SNX19: variants seen among roughly 807,000 people sequenced by gnomAD.
SNX19 encodes sorting nexin-19.
A neutral mutation model predicts 85.2 loss-of-function variants in SNX19; 60 were observed. That is an observed-to-expected ratio of 0.70 (90% CI 0.57 to 0.87). SNX19 has a LOEUF of 0.87. Among genes scored for constraint, SNX19 ranks in the 40% least tolerant of loss-of-function variants. SNX19 has a pLI of 0.00. For synonymous variants in SNX19, 520 were observed against 470.0 expected, an observed-to-expected ratio of 1.11 and a Z score of -1.38; for missense variants, 1,201 against 1,217.8, an observed-to-expected ratio of 0.99 and a Z score of 0.21.
rs895911434 is a variant in SNX19, at chr11:130,874,182, C to T, written c.*4240G>A. Among the ~76,000 whole-genome samples the T allele has an allele frequency of 6.6e-6, 1 of 152,066 alleles. No individual in the cohort carries two copies. Among genetic ancestry groups the T allele is most frequent in the Non-Finnish European group, 1.5e-5 (1 of 68,014 alleles). ...GAACCACAGGCGAGAGCCACCATGC[C>T]CCGCTCATTTTTTATATTTTTTGTA... On this transcript the variant is annotated 3_prime_UTR_variant, in exon 11 of 11. Coordinates refer to ENST00000265909, the MANE Select transcript of SNX19 (RefSeq NM_014758.3).
chr11:130,887,117 GA>G (rs1944139179), intron 8 of SNX19, among the ~76,000 whole-genome samples: 2 of 152,164 alleles, frequency 1.3e-5, no homozygotes, highest in African/African-American at 4.8e-5. Flanking sequence ...TACTTCAAGG[GA>G]AGACTTGACA....
intron 8 of SNX19, chr11:130,894,935 C>G (rs1944770930): frequency 1.0e-6 from 1 of 985,422 alleles, no homozygotes; most frequent in African/African-American, 1.7e-5. Context: ...GCTATGATTT[C>G]TATTTCGACA....
Position 130,874,034 on chromosome 11 carries a change from T to G in SNX19, c.*4388A>C, listed in dbSNP as rs1434317880. On this transcript the variant is annotated 3_prime_UTR_variant, in exon 11 of 11. Transcript: ENST00000265909. ...GTCATAAGAGGTTTTTTGTTTTTTTTTTTTTTATTTGGGGTCTCACTCTGT... is the reference window on the plus strand; with the variant it reads ...GTCATAAGAGGTTTTTTGTTTTTTTGTTTTTTATTTGGGGTCTCACTCTGT... 1.3e-5 allele frequency among the ~76,000 whole-genome samples: 2 copies of G among 152,070 alleles called. No individual in the cohort carries two copies. The highest frequency in any genetic ancestry group is 2.9e-5 in the Non-Finnish European group (2 of 68,006).
chr11:130,888,074 A>G (rs1944213923), intron 8 of SNX19, among the ~76,000 whole-genome samples: 1 of 150,444 alleles, frequency 6.6e-6, no homozygotes, highest in Non-Finnish European at 1.5e-5. Context: ...GCCAGCTAAA[A>G]TCCTAAGTCC....
chr11:130,900,278 C>T (rs1398239059), intron 8 of SNX19, among the ~76,000 whole-genome samples: 3 of 152,184 alleles, frequency 2.0e-5, no homozygotes, highest in African/African-American at 4.8e-5. Flanking sequence ...TGCACTCCAG[C>T]CTGGGCGACA....
rs1372341763 is a variant in SNX19 at position 130,869,896 on chromosome 11, A to C, written c.*8526T>G. 6.7e-6 allele frequency: 1 copy of C among 149,670 alleles called. No individual in the cohort carries two copies. The highest frequency in any genetic ancestry group is 1.5e-5 in the Non-Finnish European group (1 of 67,894). The allele number at this position is 149,670 out of a possible 1,614,324, so 9.3% of individuals were successfully genotyped here. A position where few individuals can be genotyped will look rare whatever the true frequency, so the allele number is the denominator to read the frequency against. On this transcript the variant is annotated 3_prime_UTR_variant, in exon 11 of 11. Transcript: ENST00000265909. ...GTAGCCAAGTCACCCACAAAGACTG[A>C]TGAGCTGATATAGAAAAAAAAAAAG...
rs1183683202 is a variant in SNX19, at chr11:130,914,715, G to A, written c.1225C>T (p.Gln409Ter). 6.2e-7 allele frequency: 1 copy of A among 1,613,894 alleles called. No homozygotes were observed. Among genetic ancestry groups the A allele is most frequent in the African/African-American group, 1.3e-5 (1 of 74,878 alleles). The change falls in exon 1 of 11, where the codon CAG becomes TAG. Residue 409 changes from glutamine to a stop codon, truncating the protein, a stop_gained. Coordinates refer to ENST00000265909, the MANE Select transcript of SNX19 (RefSeq NM_014758.3). LOFTEE classifies it high-confidence loss of function. ...TCACCATCTTTGGGTTCCAGAGCCT[G>A]GGAACTCTCTAGGGCACACAGGGCA... ...QDALCALESS[Q>*]ALEPKDGEAS...
At chr11:130,894,597 C>G in intron 8 of SNX19, 3 of 977,908 alleles carry the variant, frequency 3.1e-6, no homozygotes, top group Non-Finnish European at 3.6e-6. Flanking sequence ...TAACCTGCAG[C>G]GCCACCTGGT....
At position 130,914,802 on chromosome 11, in the gene SNX19, G is replaced by A; in HGVS notation, c.1138C>T (p.Leu380=). The change falls in exon 1 of 11, where the codon CTG becomes TTG. Residue 380 remains leucine (L), a synonymous_variant. Coordinates refer to ENST00000265909, the MANE Select transcript of SNX19 (RefSeq NM_014758.3). ...ATGAGCATGATGGTTTCTTTGCCCA[G>A]TTCAGACAGCGGAGACTCCAGCTCT... is the stretch of plus-strand genomic sequence containing the variant. ...DSELESPLSE[L]GKETIMLMTP... 2.5e-6 allele frequency: 4 copies of A among 1,614,236 alleles called. No individual in the cohort carries two copies. The highest frequency in any genetic ancestry group is 3.4e-6 in the Non-Finnish European group (4 of 1,180,046).
chr11:130,893,102 C>A (rs1163001172), intron 8 of SNX19: 1 of 152,062 alleles, frequency 6.6e-6, no homozygotes, highest in Non-Finnish European at 1.5e-5. Flanking sequence ...TTCATGGGGG[C>A]TTTACCTCAC....
At chr11:130,894,581 ATTGT>A (rs113805335) in intron 8 of SNX19, among the ~76,000 whole-genome samples, 8,752 of 152,210 alleles carry the variant, frequency 0.057, 829 homozygotes, top group African/African-American at 0.2. Flanking sequence ...AGTGAATGGT[ATTGT>A]TTAACCTGCA....
In SNX19 at chr11:130,916,093, T is replaced by C; in HGVS notation, c.-154A>G. On this transcript the variant is annotated 5_prime_UTR_variant, in exon 1 of 11. Coordinates refer to ENST00000265909, the MANE Select transcript of SNX19 (RefSeq NM_014758.3). The stretch of plus-strand genomic sequence containing the variant: ...CAGGCCCTCAAAGTCCTACAGGCAC[T>C]GCAAAGCGACAGCTGCAGCTCCGCG... 2 of 650,186 alleles carry C rather than the reference T, an allele frequency of 3.1e-6. No homozygotes were observed. The highest frequency in any genetic ancestry group is 5.3e-6 in the Non-Finnish European group (2 of 380,308). 40.3% of individuals were successfully genotyped at this position (650,186 alleles called of 1,614,324 possible). A position where few individuals can be genotyped will look rare whatever the true frequency, so the allele number is the denominator to read the frequency against.
At chr11:130,907,902 G>A (rs771923281) in intron 5 of SNX19, 51 bp downstream of exon 5, 1 of 1,605,738 alleles carries the variant, frequency 6.2e-7, no homozygotes, top group Admixed American at 1.7e-5. Flanking sequence ...GAGGATTGGG[G>A]ATCAATTTGA....
At position 130,906,734 on chromosome 11, in the gene SNX19, CAA is replaced by C; in HGVS notation, c.2166-15_2166-14del. 1.3e-6 allele frequency: 2 copies of C among 1,584,164 alleles called. No homozygotes were observed. Among genetic ancestry groups the C allele is most frequent in the South Asian group, 2.2e-5 (2 of 90,322 alleles). On this transcript the variant is annotated splice_polypyrimidine_tract_variant and intron_variant, in intron 5 of 10. Coordinates refer to ENST00000265909, the MANE Select transcript of SNX19 (RefSeq NM_014758.3). Reference sequence around the variant, plus strand: ...CCTCAGCCTAGACCTGGTACAGAAACAAAGAGCAGAAACAGGTTGTAATTTAT... The same window carrying C: ...CCTCAGCCTAGACCTGGTACAGAAACAGAGCAGAAACAGGTTGTAATTTAT...
chr11:130,903,167 C>G, intron 8 of SNX19, 88 bp downstream of exon 8: 1 of 1,557,196 alleles, frequency 6.4e-7, no homozygotes, highest in Non-Finnish European at 8.8e-7. Context: ...TCTCTTACGG[C>G]TGCAGATTCC....
Position 130,873,848 on chromosome 11 carries a change from C to T in SNX19, c.*4574G>A, listed in dbSNP as rs1441874551. 6.6e-6 allele frequency among the ~76,000 whole-genome samples: 1 copy of T among 152,062 alleles called. No homozygotes were observed. The highest frequency in any genetic ancestry group is 1.5e-5 in the Non-Finnish European group (1 of 68,024). On this transcript the variant is annotated 3_prime_UTR_variant, in exon 11 of 11. Transcript: ENST00000265909. The stretch of plus-strand genomic sequence containing the variant: ...TAGAGCAGACATTGTCTATCAATAC[C>T]CATTCTCTGCTTCTTCCTTGCTAAC...
intron 10 of SNX19, among the ~76,000 whole-genome samples, chr11:130,878,955 G>A (rs1943451499): frequency 6.6e-6 from 1 of 152,186 alleles, no homozygotes; most frequent in African/African-American, 2.4e-5. Flanking sequence ...GTAAAGCCAG[G>A]ATCCTTGAGG....
At chr11:130,897,840 T>G (rs7109283) in intron 8 of SNX19, among the ~76,000 whole-genome samples, 2,124 of 152,310 alleles carry the variant, frequency 0.014, 43 homozygotes, top group African/African-American at 0.047. Flanking sequence ...CAAGCCGGAT[T>G]TGCTCCTTGG....
Position 130,875,099 on chromosome 11 carries a change from C to T in SNX19, c.*3323G>A, listed in dbSNP as rs980126982. Among the ~76,000 whole-genome samples, 7 of 152,148 alleles carry T rather than the reference C, an allele frequency of 4.6e-5. No homozygotes were observed. Among genetic ancestry groups the T allele is most frequent in the East Asian group, 1.9e-4 (1 of 5,190 alleles). On this transcript the variant is annotated 3_prime_UTR_variant, in exon 11 of 11. Transcript: ENST00000265909. ...GCAGCATTGTTTTCAACAATCAAGG[C>T]GCGGAGCCAACCTAAATGTCCCTCA...
Sources: gnomAD v4.1 joint callset for allele counts (sites outside exome capture counted in the v4.1 genomes callset) on GRCh38, gnomAD v4.1.1 for gene constraint, MANE v1.5 for transcripts, NCBI Gene and HGNC (gene_info 2026-07-23, HGNC 2026-07-21) for gene names.